The following NEXMIF variants were observed in gnomAD, a reference collection of about 807,000 sequenced individuals.
The protein encoded by NEXMIF is neurite extension and migration factor.
NEXMIF carries 8 observed loss-of-function variants against 62.1 expected under a neutral mutation model. That is an observed-to-expected ratio of 0.13 (90% confidence interval 0.08 to 0.23). The LOEUF is 0.23. Among genes scored for constraint, NEXMIF ranks in the 10% least tolerant of loss-of-function variants. NEXMIF has a pLI of 1.00. For synonymous variants in NEXMIF, 404 were observed against 416.6 expected, an observed-to-expected ratio of 0.97 and a Z score of 0.37; for missense variants, 976 against 1,113.3, an observed-to-expected ratio of 0.88 and a Z score of 1.75.
At chrX:74,822,056 AT>A (rs948722312) in intron 1 of NEXMIF, among the ~76,000 whole-genome samples, 7 of 111,123 alleles carry the variant, frequency 6.3e-5, no homozygotes, top group Non-Finnish European at 9.4e-5. Context: ...GTCTCAGTTG[AT>A]TTTTTTGAGT....
At chrX:74,841,024 A>G (rs747927315) in intron 1 of NEXMIF, among the ~76,000 whole-genome samples, 1 of 112,156 alleles carries the variant, frequency 8.9e-6, no homozygotes, top group South Asian at 3.7e-4. Flanking sequence ...GAAGAATGTC[A>G]TTGGTAGTTT....
chrX:74,873,197 G>T (rs951832201), intron 1 of NEXMIF, among the ~76,000 whole-genome samples: 2 of 109,430 alleles, frequency 1.8e-5, no homozygotes, highest in Non-Finnish European at 3.8e-5. Context: ...GTGTCCATGT[G>T]TTCTCATTGT....
In NEXMIF at chrX:74,742,828, T is replaced by C. The variant is rs2080111658; in HGVS notation, c.1729A>G (p.Lys577Glu). ...TTCAAGGGTGCCAGCTTGGCATATT[T>C]GTTGAGCTGATTCTCACTCAAATTC... ...TVNLSENQLN[K>E]YAKLAPLKGF... is the part of the protein sequence containing the mutation. The change falls in exon 3 of 4, where the codon AAA (lysine) becomes GAA (glutamate). Residue 577 changes from lysine to glutamate, a missense_variant. Lys to Glu is a moderately conservative substitution (Grantham distance 56). This residue lies in a region of NEXMIF where 639 missense variants were observed against 694.5 expected (regional missense o/e 0.92). Transcript: ENST00000055682. The C allele has an allele frequency of 1.7e-6, 2 of 1,211,670 alleles. No homozygotes were observed. Among genetic ancestry groups the C allele is most frequent in the African/African-American group, 3.5e-5 (2 of 57,808 alleles).
At chrX:74,803,524 C>T (rs1299525869) in intron 1 of NEXMIF, among the ~76,000 whole-genome samples, 6 of 110,396 alleles carry the variant, frequency 5.4e-5, no homozygotes, top group Non-Finnish European at 7.6e-5. Context: ...GCAGAGATTG[C>T]GCCACTGCAC....
chrX:74,900,173 G>GA (rs990173161), intron 1 of NEXMIF, among the ~76,000 whole-genome samples: 3 of 111,102 alleles, frequency 2.7e-5, no homozygotes, highest in African/African-American at 9.8e-5. Flanking sequence ...GGCTACTATT[G>GA]AAAAAACAGG....
intron 1 of NEXMIF, among the ~76,000 whole-genome samples, chrX:74,902,214 A>C (rs764021041): frequency 9.1e-6 from 1 of 110,044 alleles, no homozygotes; most frequent in South Asian, 3.9e-4. Context: ...CAGAACTTTA[A>C]AGAAAATGGA....
At chrX:74,906,831 C>T (rs1024673319) in intron 1 of NEXMIF, among the ~76,000 whole-genome samples, 6 of 111,288 alleles carry the variant, frequency 5.4e-5, no homozygotes, top group Non-Finnish European at 9.4e-5. Context: ...GTCATAAATG[C>T]CATGTTTATC....
At chrX:74,913,324 T>C (rs1022359074) in intron 1 of NEXMIF, among the ~76,000 whole-genome samples, 1 of 111,674 alleles carries the variant, frequency 9.0e-6, no homozygotes, top group African/African-American at 3.3e-5. Flanking sequence ...ATCACTTAAC[T>C]TGAAAATATA....
intron 1 of NEXMIF, among the ~76,000 whole-genome samples, chrX:74,822,495 A>ATT (rs2080400354): frequency 8.9e-6 from 1 of 112,448 alleles, no homozygotes; most frequent in Admixed American, 9.4e-5. Flanking sequence ...CATATATCTG[A>ATT]TAAGGAACAT....
In NEXMIF at chrX:74,745,642, G is replaced by T. The variant is rs1358308764; in HGVS notation, c.9C>A (p.Asn3Lys). The T allele has an allele frequency of 8.5e-7, 1 of 1,173,883 alleles. No homozygotes were observed. The highest frequency in any genetic ancestry group is 1.8e-5 in the African/African-American group (1 of 56,436). ...AGGCAACAATAGCCTTATCTTGTTG[G>T]TTATCCATGAATATAACCTCTTATT... MD[N>K]QQDKAIVASA... Residue 3 changes from asparagine (N) to lysine (K), a missense_variant, in exon 2 of 4, where the codon AAC becomes AAA. Physicochemically the swap from Asn to Lys is moderately conservative, Grantham distance 94. Coordinates refer to ENST00000055682, the MANE Select transcript of NEXMIF (RefSeq NM_001008537.3).
At chrX:74,876,122 G>A (rs1356831501) in intron 1 of NEXMIF, among the ~76,000 whole-genome samples, 2 of 110,668 alleles carry the variant, frequency 1.8e-5, no homozygotes, top group Admixed American at 1.9e-4. Context: ...TCTCTTGTGG[G>A]CATTTAGTGC....
chrX:74,761,262 C>A (rs1267574971), intron 1 of NEXMIF, among the ~76,000 whole-genome samples: 2 of 111,431 alleles, frequency 1.8e-5, no homozygotes, highest in African/African-American at 3.3e-5. Context: ...CTCTCCCCCT[C>A]AATTTTTTGG....
rs201148048 is a variant in NEXMIF at position 74,834,827 on chromosome X, T to C, written c.-47-89130A>G. Among the ~76,000 whole-genome samples, 8 of 111,815 alleles carry C rather than the reference T, an allele frequency of 7.2e-5. No individual in the cohort carries two copies. The East Asian group carries it at 1.7e-3, about 24-fold the overall frequency. On this transcript the variant is annotated intron_variant, in intron 1 of 3. Coordinates refer to ENST00000055682, the MANE Select transcript of NEXMIF (RefSeq NM_001008537.3). ...GCTTAGTGTTCTATAACCTTGTACC[T>C]GAATGCTGATATATTTCCGTAGGTT...
chrX:74,794,200 T>G (rs1387679078), intron 1 of NEXMIF, among the ~76,000 whole-genome samples: 6 of 110,965 alleles, frequency 5.4e-5, no homozygotes, highest in South Asian at 3.9e-4. Flanking sequence ...TAACAGACAG[T>G]ACCCTCAGCT....
At chrX:74,782,404 C>T (rs2080249748) in intron 1 of NEXMIF, among the ~76,000 whole-genome samples, 1 of 111,462 alleles carries the variant, frequency 9.0e-6, no homozygotes, top group African/African-American at 3.3e-5. Context: ...TTGACCAAAT[C>T]AAGAGGCAGG....
At chrX:74,784,910 A>G (rs1365239516) in intron 1 of NEXMIF, among the ~76,000 whole-genome samples, 1 of 111,358 alleles carries the variant, frequency 9.0e-6, no homozygotes, top group African/African-American at 3.3e-5. Flanking sequence ...ATGGAGTTTC[A>G]GTCACTAGTT....
chrX:74,861,026 A>G (rs2080555406), intron 1 of NEXMIF, among the ~76,000 whole-genome samples: 1 of 112,163 alleles, frequency 8.9e-6, no homozygotes, highest in Non-Finnish European at 1.9e-5. Context: ...AAAAAGAGAG[A>G]ACGCACAAAT....
At chrX:74,863,223 C>A (rs1323526553) in intron 1 of NEXMIF, among the ~76,000 whole-genome samples, 2 of 107,061 alleles carry the variant, frequency 1.9e-5, no homozygotes, top group South Asian at 8.0e-4. Context: ...ACTAAAAGAA[C>A]TAGAGAACCA....
At chrX:74,835,012 C>T (rs898086996) in intron 1 of NEXMIF, among the ~76,000 whole-genome samples, 1 of 111,517 alleles carries the variant, frequency 9.0e-6, no homozygotes, top group African/African-American at 3.3e-5. Context: ...TTTCTTTCGT[C>T]TACTGTGTAT....
Sources: allele counts gnomAD v4.1 joint callset (sites outside exome capture counted in the v4.1 genomes callset), GRCh38; gene constraint gnomAD v4.1.1; regional missense constraint gnomAD v4.1.1; transcripts MANE v1.5; gene names NCBI Gene and HGNC (gene_info 2026-07-23, HGNC 2026-07-21).